Variants in SLC12A2 observed in about 807,000 individuals in gnomAD.
The protein encoded by SLC12A2 is Na-K-2Cl cotransporter 1.
Under a neutral mutation model 136.3 loss-of-function variants are expected in SLC12A2, and 67 were observed. The observed-to-expected ratio is 0.49, with a 90% CI of 0.40 to 0.60. SLC12A2 has a LOEUF of 0.60. Ranked by LOEUF, SLC12A2 falls within the 20% of genes least tolerant of loss-of-function variation. SLC12A2 has a pLI of 0.00. For synonymous variants in SLC12A2, 619 were observed against 562.9 expected (o/e 1.10, Z -1.41); for missense variants, 1,322 against 1,534.7 (o/e 0.86, Z 2.32).
intron 4 of SLC12A2, among the ~76,000 whole-genome samples, chr5:128,126,211 T>TC (rs760842041): frequency 6.6e-6 from 1 of 152,178 alleles, no homozygotes; most frequent in African/African-American, 2.4e-5. Flanking sequence ...TATAAGGAGC[T>TC]CAAACAACTC....
At position 128,096,386 on chromosome 5, in the gene SLC12A2, A is replaced by C. The variant is rs183970462; in HGVS notation, c.756+11676A>C. Among the ~76,000 whole-genome samples, 4 of 152,212 alleles carry C rather than the reference A, an allele frequency of 2.6e-5. No individual in the cohort carries two copies. The East Asian group carries it at 7.7e-4, about 29-fold the overall frequency. The stretch of plus-strand genomic sequence containing the variant: ...GTTATTGCAGAATAGTTGGGTCTAG[A>C]TATTAACCTCTTTTTTATAAAACCT... On this transcript the variant is annotated intron_variant, in intron 1 of 26. Transcript: ENST00000262461.
At chr5:128,171,791 C>G in intron 19 of SLC12A2, 45 bp downstream of exon 19, 1 of 1,116,426 alleles carries the variant, frequency 9.0e-7, no homozygotes, top group Non-Finnish European at 1.3e-6. Context: ...AAAATATAAA[C>G]TACTTTGTTA....
At chr5:128,177,203 CTT>C (rs747891171) in intron 21 of SLC12A2, 51 bp downstream of exon 21, 418 of 1,289,314 alleles carry the variant, frequency 3.2e-4, no homozygotes, top group Non-Finnish European at 4.0e-4. Context: ...ACTGTAAACT[CTT>C]TAACTCCAAC....
chr5:128,113,004 A>C, intron 2 of SLC12A2, 71 bp downstream of exon 2: 73 of 1,353,790 alleles, frequency 5.4e-5, no homozygotes, highest in Non-Finnish European at 6.6e-5. Context: ...TAACGTTCTC[A>C]TCAGTTCTCA....
At chr5:128,156,770 G>T (rs1314714503) in intron 15 of SLC12A2, among the ~76,000 whole-genome samples, 3 of 152,026 alleles carry the variant, frequency 2.0e-5, no homozygotes, top group Non-Finnish European at 1.5e-5. Flanking sequence ...TTGTTCATGT[G>T]GTCAAAGTCA....
chr5:128,117,743 T>C (rs1057236030), intron 4 of SLC12A2, among the ~76,000 whole-genome samples: 1 of 152,156 alleles, frequency 6.6e-6, no homozygotes, highest in Non-Finnish European at 1.5e-5. Flanking sequence ...ACTAAAAAGC[T>C]TCTGCACAGC....
chr5:128,118,507 G>C (rs1373257029), intron 4 of SLC12A2, among the ~76,000 whole-genome samples: 1 of 152,110 alleles, frequency 6.6e-6, no homozygotes, highest in African/African-American at 2.4e-5. Flanking sequence ...CTTATAAGTG[G>C]GAGGTAAGCT....
intron 8 of SLC12A2, 21 bp downstream of exon 8, chr5:128,138,745 T>C (rs767214217): frequency 5.0e-6 from 8 of 1,604,180 alleles, no homozygotes; most frequent in Non-Finnish European, 6.8e-6. Flanking sequence ...TAAAGTGCTA[T>C]ATCAATTATA....
Position 128,138,658 on chromosome 5 carries a change from A to C in SLC12A2, c.1470A>C (p.Val490=). 1 of 1,613,672 alleles carries C rather than the reference A, an allele frequency of 6.2e-7. No individual in the cohort carries two copies. The highest frequency in any genetic ancestry group is 8.5e-7 in the Non-Finnish European group (1 of 1,179,798). The change falls in exon 8 of 27, where the codon GTA becomes GTC. Residue 490 remains valine, a synonymous_variant. Transcript: ENST00000262461. ...DFREEETFFS[V]FAIFFPAATG... The stretch of plus-strand genomic sequence containing the variant: ...GAGAGGAAGAGACTTTCTTTTCTGT[A>C]TTTGCCATCTTTTTTCCTGCTGCAA...
intron 1 of SLC12A2, among the ~76,000 whole-genome samples, chr5:128,098,378 T>G (rs932223545): frequency 6.6e-6 from 1 of 152,132 alleles, no homozygotes; most frequent in Admixed American, 6.5e-5. Flanking sequence ...TATATTTACC[T>G]TTGCTTTTGT....
intron 4 of SLC12A2, among the ~76,000 whole-genome samples, chr5:128,127,720 G>A (rs530215075): frequency 6.6e-6 from 1 of 152,034 alleles, no homozygotes; most frequent in South Asian, 2.1e-4. Context: ...TTGTAATCAA[G>A]TCATTTAATA....
Position 128,158,041 on chromosome 5 carries a change from A to T in SLC12A2, c.2364-12A>T. Reference sequence around the variant, plus strand: ...TTTATCTAATTTTGTTTGTCTTTTCATCTTAAATTAGGCCACAGTGTCTTG... The same window carrying T: ...TTTATCTAATTTTGTTTGTCTTTTCTTCTTAAATTAGGCCACAGTGTCTTG... On this transcript the variant is annotated splice_polypyrimidine_tract_variant and intron_variant, in intron 15 of 26. Coordinates refer to ENST00000262461, the MANE Select transcript of SLC12A2 (RefSeq NM_001046.3). 6.3e-7 allele frequency: 1 copy of T among 1,591,452 alleles called. No homozygotes were observed. The highest frequency in any genetic ancestry group is 1.7e-4 in the Middle Eastern group (1 of 5,950).
Position 128,112,858 on chromosome 5 carries a change from A to G in SLC12A2, c.801A>G (p.Pro267=), listed in dbSNP as rs200189523. Residue 267 remains proline, a synonymous_variant, in exon 2 of 27, where the codon CCA becomes CCG. Transcript: ENST00000262461. ...TTGCAAATGGGGAAGAAAGTACTCC[A>G]ACCAGAGATGCTGTGGTCACGTATA... ...DGFANGEEST[P]TRDAVVTYTA... 5 of 1,612,866 alleles carry G rather than the reference A, an allele frequency of 3.1e-6. No individual in the cohort carries two copies. Among genetic ancestry groups the G allele is most frequent in the Non-Finnish European group, 4.2e-6 (5 of 1,179,146 alleles).
intron 19 of SLC12A2, among the ~76,000 whole-genome samples, chr5:128,174,055 G>C (rs780180295): frequency 5.3e-4 from 81 of 152,068 alleles, no homozygotes; most frequent in Non-Finnish European, 9.6e-4. Context: ...GATTTAGAGA[G>C]AATTGATTCA....
intron 1 of SLC12A2, among the ~76,000 whole-genome samples, chr5:128,106,009 C>G (rs542997201): frequency 3.0e-4 from 45 of 152,272 alleles, no homozygotes; most frequent in African/African-American, 1.1e-3. Context: ...GCCTAAATAT[C>G]TGGATCTTCC....
chr5:128,099,908 G>A (rs1760686118), intron 1 of SLC12A2, among the ~76,000 whole-genome samples: 1 of 152,038 alleles, frequency 6.6e-6, no homozygotes, highest in South Asian at 2.1e-4. Flanking sequence ...TCTGCCTGAG[G>A]CTGTTTTACA....
chr5:128,158,470 G>C (rs1490271389), intron 16 of SLC12A2, among the ~76,000 whole-genome samples: 1 of 152,126 alleles, frequency 6.6e-6, no homozygotes, highest in Non-Finnish European at 1.5e-5. Flanking sequence ...TTGTGTTCCT[G>C]TGTTAGTTCA....
At chr5:128,111,350 A>G (rs1761137462) in intron 1 of SLC12A2, among the ~76,000 whole-genome samples, 6 of 152,192 alleles carry the variant, frequency 3.9e-5, no homozygotes, top group Admixed American at 3.3e-4. Context: ...ATTGCATTAC[A>G]TGGAATTGAG....
chr5:128,106,020 A>G (rs1760922033), intron 1 of SLC12A2, among the ~76,000 whole-genome samples: 1 of 152,138 alleles, frequency 6.6e-6, no homozygotes, highest in Non-Finnish European at 1.5e-5. Context: ...TGGATCTTCC[A>G]TTCTTTCCTT....
Sources: allele counts gnomAD v4.1 joint callset (sites outside exome capture counted in the v4.1 genomes callset), GRCh38; gene constraint gnomAD v4.1.1; transcripts MANE v1.5; gene names NCBI Gene and HGNC (gene_info 2026-07-23, HGNC 2026-07-21).